The following SLCO3A1 variants were observed in gnomAD, a reference collection of about 807,000 sequenced individuals.
SLCO3A1 encodes the protein PGE1 transporter.
A neutral mutation model predicts 63.1 loss-of-function variants in SLCO3A1; 27 were observed. That is an observed-to-expected ratio of 0.43 (90% confidence interval 0.32 to 0.59). The LOEUF (loss-of-function observed/expected upper bound fraction) is 0.59. SLCO3A1 is among the 20% of genes least tolerant of loss of function. The probability of loss-of-function intolerance (pLI) is 0.09; values close to 1 mark genes in which losing one functional copy is unlikely to be tolerated. For missense variants in SLCO3A1, 773 were observed against 945.8 expected, an observed-to-expected ratio of 0.82 and a Z score of 2.40; for synonymous variants, 473 against 409.9, an observed-to-expected ratio of 1.15 and a Z score of -1.86.
intron 2 of SLCO3A1, among the ~76,000 whole-genome samples, chr15:91,963,400 G>A (rs1328252083): frequency 2.3e-5 from 3 of 128,202 alleles, no homozygotes; most frequent in Non-Finnish European, 3.3e-5. Flanking sequence ...GGTTTAACTC[G>A]GGGAGGGTGG....
chr15:92,138,051 T>C (rs1321855292), intron 7 of SLCO3A1, among the ~76,000 whole-genome samples: 1 of 110,714 alleles, frequency 9.0e-6, no homozygotes, highest in Admixed American at 9.5e-5. Context: ...TCCTTGCCCA[T>C]GCCTATGTCC....
At chr15:92,101,487 C>T (rs1317017028) in intron 3 of SLCO3A1, among the ~76,000 whole-genome samples, 1 of 151,612 alleles carries the variant, frequency 6.6e-6, no homozygotes, top group Non-Finnish European at 1.5e-5. Context: ...CCAGCCTGGC[C>T]GACAGAGCGA....
intron 8 of SLCO3A1, among the ~76,000 whole-genome samples, chr15:92,150,515 A>G (rs2048290641): frequency 6.6e-6 from 1 of 152,166 alleles, no homozygotes; most frequent in African/African-American, 2.4e-5. Context: ...AAATGACTGG[A>G]GAATGGTAAA....
intron 2 of SLCO3A1, among the ~76,000 whole-genome samples, chr15:92,089,903 C>CA (rs1365544363): frequency 6.6e-6 from 1 of 152,140 alleles, no homozygotes; most frequent in African/African-American, 2.4e-5. Flanking sequence ...TTACTTGGTT[C>CA]ACAGCGTCCT....
rs144752355 is a variant in SLCO3A1 at position 92,067,923 on chromosome 15, C to G, written c.647-26958C>G. Among the ~76,000 whole-genome samples the G allele has an allele frequency of 7.1e-3, 1,075 of 152,318 alleles. 14 individuals carry two copies. Among genetic ancestry groups the G allele is most frequent in the African/African-American group, 0.023 (949 of 41,574 alleles). ...TGATTCATAGACGGCCACCTTCTTACTGTGTCCTCTTCTGCGGGAAGGGGT... is the reference window on the plus strand; with the variant it reads ...TGATTCATAGACGGCCACCTTCTTAGTGTGTCCTCTTCTGCGGGAAGGGGT... On this transcript the variant is annotated intron_variant, in intron 2 of 9. Coordinates refer to ENST00000318445, the MANE Select transcript of SLCO3A1 (RefSeq NM_013272.4).
intron 2 of SLCO3A1, among the ~76,000 whole-genome samples, chr15:92,025,511 T>C (rs1210544529): frequency 1.3e-5 from 2 of 152,212 alleles, no homozygotes; most frequent in African/African-American, 4.8e-5. Context: ...AGCAAACATA[T>C]CAGTGGCATC....
At chr15:92,112,693 C>T (rs1471238323) in intron 4 of SLCO3A1, among the ~76,000 whole-genome samples, 1 of 152,204 alleles carries the variant, frequency 6.6e-6, no homozygotes, top group African/African-American at 2.4e-5. Flanking sequence ...AGGGGACTCA[C>T]TCACCAAATA....
At chr15:92,079,131 A>G (rs375184811) in intron 2 of SLCO3A1, among the ~76,000 whole-genome samples, 8 of 152,202 alleles carry the variant, frequency 5.3e-5, no homozygotes, top group East Asian at 1.9e-4. Flanking sequence ...CCAGGGAGCA[A>G]TGCCCATGAA....
rs545514336 is a variant in SLCO3A1, at chr15:91,948,559, C to G, written c.646+32101C>G. Among the ~76,000 whole-genome samples the G allele has an allele frequency of 6.6e-6, 1 of 152,134 alleles. No homozygotes were observed. The highest frequency in any genetic ancestry group is 1.5e-5 in the Non-Finnish European group (1 of 68,030). ...AAGTCAGGAGAGGGCCGAATGTGCACGAGACTCTGCAGGAAGGCTGAAAAA... is the reference window on the plus strand; with the variant it reads ...AAGTCAGGAGAGGGCCGAATGTGCAGGAGACTCTGCAGGAAGGCTGAAAAA... On this transcript the variant is annotated intron_variant, in intron 2 of 9. Transcript: ENST00000318445. The surrounding 1 kb of genome is among the most constrained non-coding windows in gnomAD (Gnocchi z 4.8).
At chr15:92,044,037 A>G (rs2046830362) in intron 2 of SLCO3A1, among the ~76,000 whole-genome samples, 1 of 152,194 alleles carries the variant, frequency 6.6e-6, no homozygotes, top group Admixed American at 6.5e-5. Flanking sequence ...TTCCAGCTTC[A>G]GCCTGGTTCT....
At chr15:91,930,675 A>G (rs1381891171) in intron 2 of SLCO3A1, among the ~76,000 whole-genome samples, 1 of 152,226 alleles carries the variant, frequency 6.6e-6, no homozygotes, top group Non-Finnish European at 1.5e-5. Flanking sequence ...GGATACATGG[A>G]TGAATCAGAC....
chr15:92,036,865 G>A (rs1481328581), intron 2 of SLCO3A1, among the ~76,000 whole-genome samples: 1 of 152,168 alleles, frequency 6.6e-6, no homozygotes, highest in Non-Finnish European at 1.5e-5. Context: ...CAGAAATGGA[G>A]GAGGCGATCC....
At chr15:92,022,035 G>A (rs151004668) in intron 2 of SLCO3A1, among the ~76,000 whole-genome samples, 332 of 152,350 alleles carry the variant, frequency 2.2e-3, no homozygotes, top group African/African-American at 7.7e-3. Flanking sequence ...GCCAGAAGGT[G>A]TAGTGATGAG....
chr15:92,045,279 CAAAA>C (rs11400205), intron 2 of SLCO3A1, among the ~76,000 whole-genome samples: 1 of 129,522 alleles, frequency 7.7e-6, no homozygotes. Context: ...GACTCCATCT[CAAAA>C]AAAAAAAAAA....
At position 92,164,227 on chromosome 15, in the gene SLCO3A1, G is replaced by A. The variant is rs1367328150; in HGVS notation, c.*1092G>A. The A allele has an allele frequency of 2.0e-6, 2 of 984,494 alleles. No individual in the cohort carries two copies. Among genetic ancestry groups the A allele is most frequent in the Middle Eastern group, 5.2e-4 (1 of 1,914 alleles). The allele number at this position is 984,494 out of a possible 1,614,324, so 61.0% of individuals were successfully genotyped here. On this transcript the variant is annotated 3_prime_UTR_variant, in exon 10 of 10. Coordinates refer to ENST00000318445, the MANE Select transcript of SLCO3A1 (RefSeq NM_013272.4). Reference sequence around the variant, plus strand: ...ATGCACCAAAAATATGTGATACAAGGGATGCAATTAACCTATTGTAATTTT... The same window carrying A: ...ATGCACCAAAAATATGTGATACAAGAGATGCAATTAACCTATTGTAATTTT...
At chr15:91,877,456 A>G (rs990321108) in intron 1 of SLCO3A1, among the ~76,000 whole-genome samples, 1 of 152,246 alleles carries the variant, frequency 6.6e-6, no homozygotes, top group East Asian at 1.9e-4. Context: ...AGAAATCGCT[A>G]TAAAGACGCT....
intron 2 of SLCO3A1, among the ~76,000 whole-genome samples, chr15:92,062,721 C>A (rs56798930): frequency 1.3e-5 from 2 of 152,070 alleles, no homozygotes; most frequent in Non-Finnish European, 2.9e-5. Context: ...CCAGGTCACT[C>A]TCTCGGGCTC....
At chr15:92,008,408 C>T (rs2046335504) in intron 2 of SLCO3A1, among the ~76,000 whole-genome samples, 1 of 152,170 alleles carries the variant, frequency 6.6e-6, no homozygotes, top group South Asian at 2.1e-4. Flanking sequence ...AAAACAGAAT[C>T]ATAACACTTG....
intron 2 of SLCO3A1, among the ~76,000 whole-genome samples, chr15:91,989,721 C>T (rs1049957434): frequency 1.3e-5 from 2 of 152,182 alleles, no homozygotes; most frequent in Non-Finnish European, 2.9e-5. Context: ...TATTTAGCTA[C>T]TAATAAAAAG....
Sources: allele counts gnomAD v4.1 joint callset (sites outside exome capture counted in the v4.1 genomes callset), GRCh38; gene constraint gnomAD v4.1.1; non-coding constraint Gnocchi (gnomAD v3.1); transcripts MANE v1.5; gene names NCBI Gene and HGNC (gene_info 2026-07-23, HGNC 2026-07-21).